Variants in DTL observed in about 807,000 individuals in gnomAD.
DTL encodes the protein denticleless E3 ubiquitin protein ligase adapter.
In DTL, 46 loss-of-function variants were observed where a neutral mutation model predicts 87.0. That is an observed-to-expected ratio of 0.53 (90% CI 0.42 to 0.68). The LOEUF (loss-of-function observed/expected upper bound fraction) is 0.68, where lower values mean the gene tolerates loss of function less well. Ranked by LOEUF, DTL falls within the 30% of genes least tolerant of loss-of-function variation. DTL has a pLI of 0.00. For missense variants in DTL, 737 were observed against 869.4 expected, an observed-to-expected ratio of 0.85 and a Z score of 1.91; for synonymous variants, 308 against 311.2, an observed-to-expected ratio of 0.99 and a Z score of 0.11.
At chr1:212,038,514 A>G (rs1667550662) in intron 1 of DTL, among the ~76,000 whole-genome samples, 1 of 152,256 alleles carries the variant, frequency 6.6e-6, no homozygotes. Flanking sequence ...TCACAGTTAC[A>G]CATTCAAAAC....
At chr1:212,064,421 A>T (rs1384933933) in intron 6 of DTL, among the ~76,000 whole-genome samples, 1 of 152,178 alleles carries the variant, frequency 6.6e-6, no homozygotes, top group Non-Finnish European at 1.5e-5. Context: ...TCTTAGTATT[A>T]CACATTCTGT....
chr1:212,048,995 T>C (rs1293801411), intron 5 of DTL, among the ~76,000 whole-genome samples: 3 of 152,228 alleles, frequency 2.0e-5, no homozygotes, highest in Non-Finnish European at 2.9e-5. Flanking sequence ...TGATCTTGGC[T>C]CACTGCAACC....
intron 1 of DTL, among the ~76,000 whole-genome samples, chr1:212,036,625 A>T (rs1386727310): frequency 6.6e-6 from 1 of 152,230 alleles, no homozygotes; most frequent in Non-Finnish European, 1.5e-5. Context: ...TTTTCACTTT[A>T]ATGGTATAAG....
chr1:212,037,003 A>G (rs2102519618), intron 1 of DTL, among the ~76,000 whole-genome samples: 1 of 152,292 alleles, frequency 6.6e-6, no homozygotes, highest in African/African-American at 2.4e-5. Context: ...TCCCTCTTAG[A>G]TAATCTTTGT....
intron 5 of DTL, among the ~76,000 whole-genome samples, chr1:212,052,656 A>G (rs868824854): frequency 2.0e-5 from 3 of 150,780 alleles, no homozygotes; most frequent in East Asian, 1.9e-4. Flanking sequence ...AAAAAAAAAA[A>G]AAAGAAATAT....
In DTL at chr1:212,051,442, CTTTTTTTTTTTTTTTTTTTTTTT is replaced by C. The variant is rs958429363; in HGVS notation, c.460+4047_460+4069del. ...GGACATTTTTGTTGGATATGAAATT[CTTTTTTTTTTTTTTTTTTTTTTT>C]TTTTTTTTTTTTTTTTTTTTTAGCC... On this transcript the variant is annotated intron_variant, in intron 5 of 14. Coordinates refer to ENST00000366991, the MANE Select transcript of DTL (RefSeq NM_016448.4). 7.3e-3 allele frequency: 1,435 copies of C among 196,812 alleles called. 9 individuals are homozygous for C. The highest frequency in any genetic ancestry group is 0.025 in the African/African-American group (374 of 14,990). The allele number at this position is 196,812 out of a possible 1,614,324, so 12.2% of individuals were successfully genotyped here. A position where few individuals can be genotyped will look rare whatever the true frequency, so the allele number is the denominator to read the frequency against.
intron 13 of DTL, among the ~76,000 whole-genome samples, chr1:212,085,837 T>C (rs559844179): frequency 7.3e-4 from 111 of 152,344 alleles, no homozygotes; most frequent in South Asian, 1.2e-3. Flanking sequence ...TTTTTACATA[T>C]GGATATTTAA....
At chr1:212,047,238 C>G in intron 4 of DTL, 26 bp downstream of exon 4, 1 of 1,614,092 alleles carries the variant, frequency 6.2e-7, no homozygotes, top group Non-Finnish European at 8.5e-7. Context: ...TCATTAGGAT[C>G]TGGGTAAATA....
At position 212,035,823 on chromosome 1, in the gene DTL, C is replaced by T; in HGVS notation, c.-68C>T. The stretch of plus-strand genomic sequence containing the variant: ...TTTGTGTTGTGAGAGGCGCAAGCTG[C>T]GATTTCTGCTGAACTTGGAGGCATT... On this transcript the variant is annotated 5_prime_UTR_variant, in exon 1 of 15. Coordinates refer to ENST00000366991, the MANE Select transcript of DTL (RefSeq NM_016448.4). 5 of 1,500,580 alleles carry T rather than the reference C, an allele frequency of 3.3e-6. No individual in the cohort carries two copies. The highest frequency in any genetic ancestry group is 4.6e-6 in the Non-Finnish European group (5 of 1,078,710). The allele number at this position is 1,500,580 out of a possible 1,614,324, so 93.0% of individuals were successfully genotyped here. A position where few individuals can be genotyped will look rare whatever the true frequency, so the allele number is the denominator to read the frequency against.
intron 5 of DTL, among the ~76,000 whole-genome samples, chr1:212,055,994 G>A (rs1024452585): frequency 1.3e-5 from 2 of 152,212 alleles, no homozygotes; most frequent in African/African-American, 2.4e-5. Context: ...TGCAAGTCTA[G>A]GGACTGGCCT....
chr1:212,040,979 T>C (rs910774988), intron 1 of DTL, among the ~76,000 whole-genome samples: 8 of 152,246 alleles, frequency 5.3e-5, no homozygotes, highest in South Asian at 2.1e-4. Flanking sequence ...GGGTAACTAC[T>C]GTATCTGGAA....
At chr1:212,080,153 G>A (rs1162928699) in intron 12 of DTL, among the ~76,000 whole-genome samples, 1 of 152,188 alleles carries the variant, frequency 6.6e-6, no homozygotes, top group Admixed American at 6.5e-5. Context: ...GCCTACTAGA[G>A]TCATGGGCCA....
At chr1:212,066,946 G>A in intron 8 of DTL, 61 bp downstream of exon 8, 2 of 1,330,438 alleles carry the variant, frequency 1.5e-6, no homozygotes, top group Non-Finnish European at 2.1e-6. Flanking sequence ...TGATGAGGCA[G>A]TCACATAGTC....
At chr1:212,043,993 G>A (rs1257099150) in intron 2 of DTL, among the ~76,000 whole-genome samples, 2 of 152,152 alleles carry the variant, frequency 1.3e-5, no homozygotes, top group African/African-American at 4.8e-5. Context: ...GGAGGCTGAT[G>A]CAAGAGAATC....
intron 5 of DTL, among the ~76,000 whole-genome samples, chr1:212,062,370 A>C (rs548981820): frequency 6.6e-6 from 1 of 152,130 alleles, no homozygotes; most frequent in Admixed American, 6.5e-5. Context: ...CCTCTTTAAC[A>C]AACTTCATAT....
chr1:212,080,606 C>T lies in DTL; in HGVS notation c.1126-9C>T. 1 of 1,602,536 alleles carries T rather than the reference C, an allele frequency of 6.2e-7. No homozygotes were observed. The highest frequency in any genetic ancestry group is 2.2e-5 in the East Asian group (1 of 44,780). ...ATTTCTTAATTCCCTTCTTGGTACT[C>T]CCTCTTAGATTGCTACCTGTTCTGA... On this transcript the variant is annotated splice_polypyrimidine_tract_variant and intron_variant, in intron 12 of 14. Coordinates refer to ENST00000366991, the MANE Select transcript of DTL (RefSeq NM_016448.4).
At position 212,051,442 on chromosome 1, in the gene DTL, CTTTTTTTTTTTTTTTTTTTTTTTT is replaced by C. The variant is rs958429363; in HGVS notation, c.460+4046_460+4069del. The C allele has an allele frequency of 3.1e-3, 620 of 196,880 alleles. 1 individual carries two copies. The highest frequency in any genetic ancestry group is 8.4e-3 in the South Asian group (163 of 19,492). The allele number at this position is 196,880 out of a possible 1,614,324, so 12.2% of individuals were successfully genotyped here. On this transcript the variant is annotated intron_variant, in intron 5 of 14. Coordinates refer to ENST00000366991, the MANE Select transcript of DTL (RefSeq NM_016448.4). The stretch of plus-strand genomic sequence containing the variant: ...GGACATTTTTGTTGGATATGAAATT[CTTTTTTTTTTTTTTTTTTTTTTTT>C]TTTTTTTTTTTTTTTTTTTTAGCCC...
At position 212,100,508 on chromosome 1, in the gene DTL, C is replaced by T. The variant is rs754756130; in HGVS notation, c.1518C>T (p.Thr506=). 9.9e-6 allele frequency: 16 copies of T among 1,613,758 alleles called. No homozygotes were observed. The highest frequency in any genetic ancestry group is 2.5e-6 in the Non-Finnish European group (3 of 1,180,008). ...SFKMSIRNWV[T]RTPSSSPPIT... Reference sequence around the variant, plus strand: ...AGATGTCGATTAGAAACTGGGTGACCCGAACACCTTCCTCATCACCACCCA... The same window carrying T: ...AGATGTCGATTAGAAACTGGGTGACTCGAACACCTTCCTCATCACCACCCA... Residue 506 remains threonine, a synonymous_variant, in exon 14 of 15, where the codon ACC becomes ACT. Coordinates refer to ENST00000366991, the MANE Select transcript of DTL (RefSeq NM_016448.4).
intron 1 of DTL, among the ~76,000 whole-genome samples, chr1:212,040,828 CAG>C (rs1667617623): frequency 6.6e-6 from 1 of 152,192 alleles, no homozygotes; most frequent in African/African-American, 2.4e-5. Flanking sequence ...CAGGGTAGGA[CAG>C]TGTGAAATTT....
Sources: allele counts gnomAD v4.1 joint callset (sites outside exome capture counted in the v4.1 genomes callset), GRCh38; gene constraint gnomAD v4.1.1; transcripts MANE v1.5; gene names NCBI Gene and HGNC (gene_info 2026-07-23, HGNC 2026-07-21).